Variants in RHBDF1 observed in about 807,000 individuals in gnomAD.
RHBDF1 encodes inactive rhomboid protein 1.
A neutral mutation model predicts 98.6 loss-of-function variants in RHBDF1; 80 were observed. That is an observed-to-expected ratio of 0.81 (90% CI 0.68 to 0.98). The LOEUF (loss-of-function observed/expected upper bound fraction) is 0.98. Among genes scored for constraint, RHBDF1 ranks in the 50% least tolerant of loss-of-function variants. The pLI, the probability that RHBDF1 is intolerant of heterozygous loss-of-function variation, is 0.00. For synonymous variants in RHBDF1, 512 were observed against 486.8 expected (o/e 1.05, Z -0.68); for missense variants, 1,116 against 1,198.3 (o/e 0.93, Z 1.01).
At chr16:69,369 A>G (rs1448788321) in intron 1 of RHBDF1, among the ~76,000 whole-genome samples, 12 of 152,032 alleles carry the variant, frequency 7.9e-5, no homozygotes, top group African/African-American at 2.9e-4. Flanking sequence ...CAGAACCATC[A>G]AGCCTGGGCT....
intron 14 of RHBDF1, 42 bp downstream of exon 14, chr16:59,690 T>C (rs1240224004): frequency 4.4e-6 from 7 of 1,607,918 alleles, no homozygotes; most frequent in Non-Finnish European, 6.0e-6. Context: ...GGCGATGCTC[T>C]GAGCCCAGAG....
At chr16:63,237 C>A in intron 4 of RHBDF1, 55 bp from the exon 5 acceptor site, 1 of 1,392,352 alleles carries the variant, frequency 7.2e-7, no homozygotes, top group Non-Finnish European at 9.7e-7. Context: ...CTAGCTCACC[C>A]AGAGGCACAG....
intron 3 of RHBDF1, chr16:64,081 G>A: frequency 1.6e-6 from 1 of 633,164 alleles, no homozygotes; most frequent in Non-Finnish European, 2.8e-6. Context: ...TTGAGGGGAG[G>A]CACTGAGTCC....
chr16:61,962 C>A lies in RHBDF1; in HGVS notation c.1044G>T (p.Ala348=). ...CGATACGCTGGCCCCGTCGCGGCCCCGCGGTGCTCACCACCTCCTGTCGGA... is the reference window on the plus strand; with the variant it reads ...CGATACGCTGGCCCCGTCGCGGCCCAGCGGTGCTCACCACCTCCTGTCGGA... The part of the protein sequence containing the change: ...VRLRQEVVST[A]GPRRGQRIAV... The change falls in exon 8 of 18, where the codon GCG becomes GCT. Residue 348 remains alanine (A), a synonymous_variant. Transcript: ENST00000262316. 6.3e-7 allele frequency: 1 copy of A among 1,593,110 alleles called. No homozygotes were observed. Among genetic ancestry groups the A allele is most frequent in the East Asian group, 2.2e-5 (1 of 44,460 alleles).
intron 1 of RHBDF1, among the ~76,000 whole-genome samples, chr16:69,971 C>T (rs189678502): frequency 1.4e-5 from 2 of 147,192 alleles, no homozygotes; most frequent in Admixed American, 1.4e-4. Flanking sequence ...GAGGACCTGA[C>T]CTGTGAGGGT....
intron 14 of RHBDF1, 92 bp downstream of exon 14, chr16:59,640 G>C: frequency 6.6e-7 from 1 of 1,514,556 alleles, no homozygotes; most frequent in Non-Finnish European, 9.0e-7. Context: ...TGGTATACTG[G>C]CTTATTTCAG....
In RHBDF1 at chr16:72,582, GCC is replaced by G. The variant is rs1567120122; in HGVS notation, c.-96_-95del. 1.6e-5 allele frequency: 13 copies of G among 830,512 alleles called. No homozygotes were observed. Among genetic ancestry groups the G allele is most frequent in the African/African-American group, 1.3e-4 (2 of 15,746 alleles). The allele number at this position is 830,512 out of a possible 1,614,324, so 51.4% of individuals were successfully genotyped here. ...GAGGCTGCCGCCGCTGGCCGGGAGG[GCC>G]CGCGCCGAGTCCCCGCCCGCCCGCC... On this transcript the variant is annotated 5_prime_UTR_variant, in exon 1 of 18. Coordinates refer to ENST00000262316, the MANE Select transcript of RHBDF1 (RefSeq NM_022450.5).
chr16:64,509 G>A (rs1897768751), intron 3 of RHBDF1, 190 bp downstream of exon 3: 2 of 1,539,788 alleles, frequency 1.3e-6, no homozygotes, highest in Non-Finnish European at 8.8e-7. Flanking sequence ...AGAAGGGAGT[G>A]GAGCAGGGTA....
chr16:72,221 A>G (rs1331906021), intron 1 of RHBDF1, among the ~76,000 whole-genome samples: 1 of 152,076 alleles, frequency 6.6e-6, no homozygotes, highest in Non-Finnish European at 1.5e-5. Context: ...CCGCCCGGCC[A>G]GGCCGCTGGG....
At chr16:73,447 G>A (rs374976739), upstream of RHBDF1, among the ~76,000 whole-genome samples, 123 of 152,262 alleles carry the variant, frequency 8.1e-4, no homozygotes, top group African/African-American at 2.0e-3. Context: ...CGGCCACCCC[G>A]GGGTGGGCTC....
At chr16:65,823 C>T (rs994036617) in intron 1 of RHBDF1, among the ~76,000 whole-genome samples, 1 of 152,230 alleles carries the variant, frequency 6.6e-6, no homozygotes, top group African/African-American at 2.4e-5. Flanking sequence ...AGAAACCACC[C>T]GGGCGCAGAC....
chr16:72,207 T>C (rs1032041862), intron 1 of RHBDF1, among the ~76,000 whole-genome samples: 2 of 152,220 alleles, frequency 1.3e-5, no homozygotes, highest in African/African-American at 4.8e-5. Context: ...GGAGCCGAGC[T>C]GTCCCGCCCG....
At chr16:62,078 C>G (rs577546342) in intron 7 of RHBDF1, 26 bp from the exon 8 acceptor site, 1 of 1,440,342 alleles carries the variant, frequency 6.9e-7, no homozygotes, top group South Asian at 1.5e-5. Context: ...ATTCACCTCC[C>G]GCCCCAGCCC....
rs775962102 is a variant in RHBDF1, at chr16:61,181, G to C, written c.1496C>G (p.Ser499Cys). Residue 499 changes from serine to cysteine, a missense_variant, in exon 11 of 18, where the codon TCC becomes TGC. Coordinates refer to ENST00000262316, the MANE Select transcript of RHBDF1 (RefSeq NM_022450.5). ...IRSAREREKH[S>C]ACCVRNDRSG... Reference sequence around the variant, plus strand: ...CCTGTCGTTGCGCACGCAGCAGGCGGAGTGCTTCTCGCGCTCGCGCGCCGA... The same window carrying C: ...CCTGTCGTTGCGCACGCAGCAGGCGCAGTGCTTCTCGCGCTCGCGCGCCGA... 3 of 1,541,926 alleles carry C rather than the reference G, an allele frequency of 1.9e-6. No homozygotes were observed. In the South Asian group the frequency reaches 3.6e-5, roughly 18 times the overall value.
chr16:59,805 C>T lies in RHBDF1; in HGVS notation c.1744G>A (p.Gly582Arg), dbSNP rs771935712. Reference protein sequence around the residue: ...KWPICTKNSAGNHTNHPHMDC... With the variant: ...KWPICTKNSARNHTNHPHMDC... The stretch of plus-strand genomic sequence containing the variant: ...ATGTGGGGATGGTTGGTGTGGTTCC[C>T]AGCGCTGTTTTTGGTGCAGATCTGG... The change falls in exon 14 of 18, where the codon GGG becomes AGG. Residue 582 changes from glycine (G) to arginine (R), a missense_variant. Coordinates refer to ENST00000262316, the MANE Select transcript of RHBDF1 (RefSeq NM_022450.5). 22 of 1,614,018 alleles carry T rather than the reference C, an allele frequency of 1.4e-5. 1 individual carries two copies. The South Asian group carries it at 2.4e-4, about 18-fold the overall frequency.
At chr16:73,163 GCACATGCACGTGCT>G (rs1410140306), upstream of RHBDF1, among the ~76,000 whole-genome samples, 7 of 152,138 alleles carry the variant, frequency 4.6e-5, no homozygotes, top group East Asian at 7.7e-4. Flanking sequence ...TCATTCGCCT[GCACATGCACGTGCT>G]CACATGCACC....
chr16:58,904 C>T (rs1036499356), intron 17 of RHBDF1, 70 bp downstream of exon 17: 19 of 1,583,066 alleles, frequency 1.2e-5, no homozygotes, highest in South Asian at 3.4e-5. Flanking sequence ...ACTCAGTGCT[C>T]GATATGGACA....
At chr16:67,679 G>C (rs1318549874) in intron 1 of RHBDF1, among the ~76,000 whole-genome samples, 1 of 152,250 alleles carries the variant, frequency 6.6e-6, no homozygotes, top group Non-Finnish European at 1.5e-5. Context: ...CACAGCACAA[G>C]GCAGGAGTTC....
chr16:72,838 G>A (rs1898015044), upstream of RHBDF1, among the ~76,000 whole-genome samples: 1 of 152,210 alleles, frequency 6.6e-6, no homozygotes, highest in Non-Finnish European at 1.5e-5. Context: ...GGAGGACCTG[G>A]TGGGAGCGGA....
Sources: gnomAD v4.1 joint callset for allele counts (sites outside exome capture counted in the v4.1 genomes callset) on GRCh38, gnomAD v4.1.1 for gene constraint, MANE v1.5 for transcripts, NCBI Gene and HGNC (gene_info 2026-07-23, HGNC 2026-07-21) for gene names.